ZNF330: variants seen among roughly 807,000 people sequenced by gnomAD.
ZNF330 encodes the protein nucleolar atypical zinc finger.
Under a neutral mutation model 45.5 loss-of-function variants are expected in ZNF330, and 31 were observed. That is an observed-to-expected ratio of 0.68 (90% CI 0.51 to 0.92). The LOEUF (loss-of-function observed/expected upper bound fraction) is 0.92, where lower values mean the gene tolerates loss of function less well. Ranked by LOEUF, ZNF330 falls within the 40% of genes least tolerant of loss-of-function variation. The pLI is 0.00. For missense variants in ZNF330, 356 were observed against 387.4 expected (o/e 0.92, Z 0.68); for synonymous variants, 138 against 123.2 (o/e 1.12, Z -0.79).
At chr4:141,228,401 T>A (rs1028231381) in intron 5 of ZNF330, among the ~76,000 whole-genome samples, 2 of 152,054 alleles carry the variant, frequency 1.3e-5, no homozygotes, top group Admixed American at 1.3e-4. Context: ...CCTCCCCAGA[T>A]TCCCCCTGAG....
Position 141,234,138 on chromosome 4 carries a change from G to A in ZNF330, c.*149G>A, listed in dbSNP as rs535347980. The A allele has an allele frequency of 7.1e-5, 97 of 1,365,762 alleles. No homozygotes were observed. Among genetic ancestry groups the A allele is most frequent in the African/African-American group, 6.1e-4 (42 of 68,346 alleles). The allele number at this position is 1,365,762 out of a possible 1,614,324, so 84.6% of individuals were successfully genotyped here. Reference sequence around the variant, plus strand: ...AATGGGCCAAGCAATAGGGTGTAGCGTTTTTATAGAACTGATAATCAGGCT... The same window carrying A: ...AATGGGCCAAGCAATAGGGTGTAGCATTTTTATAGAACTGATAATCAGGCT... On this transcript the variant is annotated 3_prime_UTR_variant, in exon 10 of 10. Transcript: ENST00000262990.
chr4:141,221,510 C>T (rs1728676852), intron 1 of ZNF330, among the ~76,000 whole-genome samples: 1 of 152,132 alleles, frequency 6.6e-6, no homozygotes, highest in Non-Finnish European at 1.5e-5. Context: ...GCAGCACGCC[C>T]TCTAGATTTT....
rs1728844395 is a variant in ZNF330 at position 141,227,644 on chromosome 4, G to C, written c.291+798G>C. On this transcript the variant is annotated intron_variant, in intron 5 of 9. Coordinates refer to ENST00000262990, the MANE Select transcript of ZNF330 (RefSeq NM_014487.6). ...AGCAGCATGATTTATAATCCTTTGG[G>C]TATATACTCAGTGGTACCTTTCTAA... is the stretch of plus-strand genomic sequence containing the variant. Among the ~76,000 whole-genome samples the C allele has an allele frequency of 2.0e-5, 3 of 151,938 alleles. No homozygotes were observed. In the South Asian group the frequency reaches 6.2e-4, roughly 32 times the overall value.
chr4:141,222,139 C>T (rs1728694119), intron 1 of ZNF330, among the ~76,000 whole-genome samples: 1 of 152,038 alleles, frequency 6.6e-6, no homozygotes, highest in Admixed American at 6.6e-5. Context: ...TTGACGTTTA[C>T]ATTTTTAGAA....
chr4:141,225,953 T>C (rs1376362838), intron 4 of ZNF330, among the ~76,000 whole-genome samples: 1 of 152,084 alleles, frequency 6.6e-6, no homozygotes, highest in African/African-American at 2.4e-5. Context: ...TCATTTCCAG[T>C]TTCTCTTCCC....
chr4:141,231,609 C>A, intron 8 of ZNF330, 124 bp downstream of exon 8: 1 of 633,976 alleles, frequency 1.6e-6, no homozygotes, highest in Non-Finnish European at 2.6e-6. Context: ...TAGTCTAATT[C>A]TTTTATTTTT....
intron 1 of ZNF330, among the ~76,000 whole-genome samples, chr4:141,221,487 T>C (rs915854096): frequency 2.6e-5 from 4 of 152,168 alleles, no homozygotes; most frequent in African/African-American, 9.7e-5. Context: ...TTTTCTGAGG[T>C]TCTTTGGCCA....
At chr4:141,222,316 T>G (rs1162794039) in intron 1 of ZNF330, 50 bp from the exon 2 acceptor site, 1 of 1,584,772 alleles carries the variant, frequency 6.3e-7, no homozygotes, top group East Asian at 2.3e-5. Context: ...ATTAAAATAG[T>G]AAATGCAGTC....
intron 9 of ZNF330, 36 bp downstream of exon 9, chr4:141,232,678 C>T: frequency 8.5e-7 from 1 of 1,175,344 alleles, no homozygotes; most frequent in Non-Finnish European, 1.2e-6. Flanking sequence ...GTGATTTTTG[C>T]TTTCATACTT....
intron 3 of ZNF330, 46 bp downstream of exon 3, chr4:141,224,552 T>G (rs1560785223): frequency 1.2e-6 from 2 of 1,607,962 alleles, no homozygotes; most frequent in East Asian, 4.5e-5. Context: ...AAATTGTCCC[T>G]CTGACTTTTT....
intron 2 of ZNF330, chr4:141,223,738 T>C (rs1359462975): frequency 2.2e-6 from 1 of 456,020 alleles, no homozygotes; most frequent in Admixed American, 2.4e-5. Flanking sequence ...ATTTTGGAAG[T>C]GCTTCAATAA....
chr4:141,232,619 A>G lies in ZNF330; in HGVS notation c.665A>G (p.Glu222Gly), dbSNP rs1359042108. ...CCTAAATGTGGGCATGAAACTCAGG[A>G]GACTAAGGACCTTAGCATGTCAAGT... The part of the protein sequence containing the change: ...PCPKCGHETQ[E>G]TKDLSMSTRS... The change falls in exon 9 of 10, where the codon GAG (glutamate) becomes GGG (glycine). Residue 222 changes from glutamate (E) to glycine (G), a missense_variant. By Grantham distance (98) the Glu-to-Gly change is moderately conservative (BLOSUM62 -2). Coordinates refer to ENST00000262990, the MANE Select transcript of ZNF330 (RefSeq NM_014487.6). 6.3e-7 allele frequency: 1 copy of G among 1,586,990 alleles called. No individual in the cohort carries two copies. Among genetic ancestry groups the G allele is most frequent in the East Asian group, 2.3e-5 (1 of 43,710 alleles).
rs767705200 is a variant in ZNF330, at chr4:141,233,799, C to T, written c.773C>T (p.Ser258Leu). The change falls in exon 10 of 10, where the codon TCA becomes TTA. Residue 258 changes from serine (S) to leucine (L), a missense_variant. By Grantham distance (145) the Ser-to-Leu change is moderately radical. Coordinates refer to ENST00000262990, the MANE Select transcript of ZNF330 (RefSeq NM_014487.6). ...SGYDAYWKNL[S>L]SDKYGDTSYH... Reference sequence around the variant, plus strand: ...TATGATGCTTATTGGAAGAACCTTTCATCTGATAAGTATGGTGATACCAGC... The same window carrying T: ...TATGATGCTTATTGGAAGAACCTTTTATCTGATAAGTATGGTGATACCAGC... The T allele has an allele frequency of 3.7e-6, 6 of 1,613,570 alleles. No individual in the cohort carries two copies. Among genetic ancestry groups the T allele is most frequent in the East Asian group, 2.2e-5 (1 of 44,862 alleles).
chr4:141,225,269 A>T (rs1248191325), intron 4 of ZNF330, among the ~76,000 whole-genome samples: 2 of 152,106 alleles, frequency 1.3e-5, no homozygotes, highest in Admixed American at 1.3e-4. Context: ...AATAAAACTA[A>T]ATGTTAGCAA....
chr4:141,230,329 A>C, intron 7 of ZNF330, 59 bp downstream of exon 7: 2 of 1,009,810 alleles, frequency 2.0e-6, no homozygotes, highest in Non-Finnish European at 2.9e-6. Context: ...TATAATTATT[A>C]ATCTTAATGA....
At chr4:141,232,719 T>A in intron 9 of ZNF330, 77 bp downstream of exon 9, 1 of 688,368 alleles carries the variant, frequency 1.5e-6, no homozygotes, top group South Asian at 4.1e-5. Context: ...TTTTTTGGTC[T>A]ATTTTTCTTA....
intron 4 of ZNF330, among the ~76,000 whole-genome samples, chr4:141,226,298 A>G (rs1165881707): frequency 2.0e-5 from 3 of 152,162 alleles, no homozygotes; most frequent in Non-Finnish European, 4.4e-5. Context: ...TCGATAAGTT[A>G]CATAATCATT....
In ZNF330 at chr4:141,222,459, G is replaced by C. The variant is rs778703629; in HGVS notation, c.88G>C (p.Asp30His). 1.2e-6 allele frequency: 2 copies of C among 1,613,390 alleles called. No individual in the cohort carries two copies. Among genetic ancestry groups the C allele is most frequent in the Non-Finnish European group, 8.5e-7 (1 of 1,179,732 alleles). The change falls in exon 2 of 10, where the codon GAT (aspartate) becomes CAT (histidine). Residue 30 changes from aspartate to histidine, a missense_variant. Coordinates refer to ENST00000262990, the MANE Select transcript of ZNF330 (RefSeq NM_014487.6). ...ACTAAGAGCATCAAGAAGCACTATAGATTTAGCTAAACATCCATGTAATGC... is the reference window on the plus strand; with the variant it reads ...ACTAAGAGCATCAAGAAGCACTATACATTTAGCTAAACATCCATGTAATGC... ...KQLRASRSTI[D>H]LAKHPCNASM... is the part of the protein sequence containing the mutation.
In ZNF330 at chr4:141,230,271, G is replaced by A; in HGVS notation, c.523+1G>A. The A allele has an allele frequency of 3.1e-6, 5 of 1,592,584 alleles. No homozygotes were observed. Among genetic ancestry groups the A allele is most frequent in the Non-Finnish European group, 4.3e-6 (5 of 1,163,444 alleles). ...GTTTTAGAGGCAGAAACATTTAAAT[G>A]TAAGTTTTTAAGTATTAGATGTTCT... is the stretch of plus-strand genomic sequence containing the variant. On this transcript the variant is annotated splice_donor_variant, in intron 7 of 9. Transcript: ENST00000262990. LOFTEE classifies it high-confidence loss of function.
Sources: allele counts gnomAD v4.1 joint callset (sites outside exome capture counted in the v4.1 genomes callset), GRCh38; gene constraint gnomAD v4.1.1; transcripts MANE v1.5; gene names NCBI Gene and HGNC (gene_info 2026-07-23, HGNC 2026-07-21).